The following HEXB variants were observed in gnomAD, a reference collection of about 807,000 sequenced individuals.
The protein encoded by HEXB is hexosaminidase subunit beta.
Under a neutral mutation model 71.2 loss-of-function variants are expected in HEXB, and 51 were observed. The ratio of observed to expected loss-of-function variants is 0.72; its 90% CI spans 0.57 to 0.90. The LOEUF (loss-of-function observed/expected upper bound fraction) is 0.90, where lower values mean the gene tolerates loss of function less well. Among genes scored for constraint, HEXB ranks in the 40% least tolerant of loss-of-function variants. The pLI is 0.00. For synonymous variants in HEXB, 266 were observed against 249.3 expected, an observed-to-expected ratio of 1.07 and a Z score of -0.63; for missense variants, 617 against 677.0, an observed-to-expected ratio of 0.91 and a Z score of 0.98.
At chr5:74,668,072 G>A (rs1176861735) in intron 1 of HEXB, among the ~76,000 whole-genome samples, 1 of 152,136 alleles carries the variant, frequency 6.6e-6, no homozygotes, top group African/African-American at 2.4e-5. Context: ...TCAATATCCA[G>A]CCATAAAATG....
rs1381004209 is a variant in HEXB, at chr5:74,697,053, T to C, written c.616T>C (p.Leu206=). ...TCCAAGGTTTTCTCACAGAGGAATT[T>C]TGATTGATACATCCAGACATTATCT... is the stretch of plus-strand genomic sequence containing the variant. ...DSPRFSHRGI[L]IDTSRHYLPV... Residue 206 remains leucine, a synonymous_variant, in exon 5 of 14, where the codon TTG becomes CTG. Transcript: ENST00000261416. The C allele has an allele frequency of 1.3e-6, 2 of 1,584,296 alleles. No homozygotes were observed. The highest frequency in any genetic ancestry group is 1.1e-5 in the South Asian group (1 of 90,602).
chr5:74,665,028 A>G (rs1748408547), intron 1 of HEXB, among the ~76,000 whole-genome samples: 1 of 152,212 alleles, frequency 6.6e-6, no homozygotes, highest in Admixed American at 6.5e-5. Flanking sequence ...TTCTACTTTT[A>G]AGAACGAATC....
At chr5:74,719,835 G>A (rs760765815) in intron 11 of HEXB, among the ~76,000 whole-genome samples, 16 of 151,760 alleles carry the variant, frequency 1.1e-4, no homozygotes, top group Non-Finnish European at 1.9e-4. Flanking sequence ...CCAGCTATTC[G>A]GGAGGCTGAG....
chr5:74,663,414 G>A (rs966304709), intron 1 of HEXB, among the ~76,000 whole-genome samples: 4 of 152,020 alleles, frequency 2.6e-5, no homozygotes, highest in Non-Finnish European at 4.4e-5. Context: ...TGGTCTCTAT[G>A]TCCTAACCTC....
Position 74,669,668 on chromosome 5 carries a change from T to G in HEXB, c.-376-19660T>G, listed in dbSNP as rs986525834. Among the ~76,000 whole-genome samples, 13 of 152,042 alleles carry G rather than the reference T, an allele frequency of 8.6e-5. No homozygotes were observed. The East Asian group carries it at 2.1e-3, about 25-fold the overall frequency. ...AACCAGCACCATGCTGACTGTAGAA[T>G]GTTGACAAGCAGAGCTAGGGATACA... On this transcript the variant is annotated intron_variant, in intron 1 of 13. Transcript: ENST00000511181.
chr5:74,673,687 G>A (rs1748581060), intron 1 of HEXB, among the ~76,000 whole-genome samples: 1 of 152,190 alleles, frequency 6.6e-6, no homozygotes, highest in Non-Finnish European at 1.5e-5. Flanking sequence ...AAGTGAGTTA[G>A]GTGGAGACTG....
At chr5:74,710,528 T>A (rs1335589034) in intron 6 of HEXB, among the ~76,000 whole-genome samples, 2 of 152,224 alleles carry the variant, frequency 1.3e-5, no homozygotes, top group Middle Eastern at 3.4e-3. Context: ...TGATTGTATA[T>A]CTAGAAAACC....
chr5:74,654,050 C>T (rs574001013), intron 1 of HEXB, among the ~76,000 whole-genome samples: 51 of 152,208 alleles, frequency 3.4e-4, no homozygotes, highest in Non-Finnish European at 5.6e-4. Context: ...TGAGTCCTCC[C>T]GGCTCCATCC....
At chr5:74,702,076 T>C (rs892897641) in intron 5 of HEXB, among the ~76,000 whole-genome samples, 78 of 122,804 alleles carry the variant, frequency 6.4e-4, no homozygotes, top group Non-Finnish European at 1.0e-3. Context: ...TCTTTTTTTT[T>C]TTTTTTTTTT....
chr5:74,682,888 A>G (rs1748765136), upstream of HEXB, among the ~76,000 whole-genome samples: 1 of 152,204 alleles, frequency 6.6e-6, no homozygotes, highest in African/African-American at 2.4e-5. Context: ...AGATTAACAC[A>G]AGGAAAGCAT....
chr5:74,684,024 GT>G (rs765807216), upstream of HEXB, among the ~76,000 whole-genome samples: 9 of 151,152 alleles, frequency 6.0e-5, no homozygotes, highest in East Asian at 4.0e-4. Context: ...TTTCACTTTG[GT>G]GGCCAGGCTG....
chr5:74,643,452 T>C (rs1293771954), intron 1 of HEXB, among the ~76,000 whole-genome samples: 1 of 152,186 alleles, frequency 6.6e-6, no homozygotes, highest in Admixed American at 6.5e-5. Flanking sequence ...CTGCTTACAC[T>C]GTATCCGCAT....
chr5:74,661,986 C>T (rs1748335365), intron 1 of HEXB, among the ~76,000 whole-genome samples: 1 of 152,212 alleles, frequency 6.6e-6, no homozygotes, highest in African/African-American at 2.4e-5. Flanking sequence ...TATGACAACC[C>T]TACGATTACG....
chr5:74,644,017 C>G (rs888305633), intron 1 of HEXB, among the ~76,000 whole-genome samples: 2 of 152,180 alleles, frequency 1.3e-5, no homozygotes, highest in African/African-American at 4.8e-5. Context: ...GGCAGAGGGG[C>G]CAACTGCCCA....
intron 1 of HEXB, among the ~76,000 whole-genome samples, chr5:74,642,181 T>A (rs1747909250): frequency 6.6e-6 from 1 of 152,248 alleles, no homozygotes; most frequent in African/African-American, 2.4e-5. Flanking sequence ...GAAATTTCGC[T>A]CCTTGCAAAC....
Position 74,715,561 on chromosome 5 carries a change from CTT to C in HEXB, c.956_957del (p.Phe319TrpfsTer22). The C allele has an allele frequency of 1.9e-6, 3 of 1,612,600 alleles. No homozygotes were observed. Among genetic ancestry groups the C allele is most frequent in the Non-Finnish European group, 2.5e-6 (3 of 1,178,666 alleles). ...TACAGTAGACAAAACAAGTTGGACTCTTTTGGACCTATAAACCCTACTCTGAA... is the reference window on the plus strand; with the variant it reads ...TACAGTAGACAAAACAAGTTGGACTCTTGGACCTATAAACCCTACTCTGAA... On this transcript the variant is annotated frameshift_variant, in exon 8 of 14. Transcript: ENST00000261416. LOFTEE classifies it high-confidence loss of function.
chr5:74,716,411 T>C (rs991655041), intron 8 of HEXB, among the ~76,000 whole-genome samples, 176 bp from the exon 9 acceptor site: 1 of 152,162 alleles, frequency 6.6e-6, no homozygotes, highest in African/African-American at 2.4e-5. Flanking sequence ...CTTGAAAAAA[T>C]TGTTTGCAAT....
At chr5:74,663,388 G>C (rs1441033170) in intron 1 of HEXB, among the ~76,000 whole-genome samples, 2 of 152,058 alleles carry the variant, frequency 1.3e-5, no homozygotes, top group African/African-American at 2.4e-5. Flanking sequence ...ACAGGGTTTT[G>C]CCATGTTGGT....
intron 1 of HEXB, among the ~76,000 whole-genome samples, chr5:74,664,651 T>C (rs1748401375): frequency 6.6e-6 from 1 of 151,730 alleles, no homozygotes; most frequent in Non-Finnish European, 1.5e-5. Flanking sequence ...GCTTAAAAAC[T>C]GAAAAGGACT....
Sources: allele counts gnomAD v4.1 joint callset (sites outside exome capture counted in the v4.1 genomes callset), GRCh38; gene constraint gnomAD v4.1.1; transcripts MANE v1.5; gene names NCBI Gene and HGNC (gene_info 2026-07-23, HGNC 2026-07-21).